Variants in PRRG1 observed in about 807,000 individuals in gnomAD.
PRRG1 encodes the protein transmembrane gamma-carboxyglutamic acid protein 1.
A neutral mutation model predicts 11.8 loss-of-function variants in PRRG1; 5 were observed. The ratio of observed to expected loss-of-function variants is 0.42; its 90% CI spans 0.22 to 0.89. PRRG1 has a LOEUF of 0.89. Ranked by LOEUF, PRRG1 falls within the 40% of genes least tolerant of loss-of-function variation. The pLI is 0.28. For synonymous variants in PRRG1, 66 were observed against 60.4 expected (o/e 1.09, Z -0.43); for missense variants, 155 against 166.1 (o/e 0.93, Z 0.37).
At chrX:37,349,658 G>A (rs2146911905) in intron 1 of PRRG1, among the ~76,000 whole-genome samples, 1 of 111,660 alleles carries the variant, frequency 9.0e-6, no homozygotes, top group Non-Finnish European at 1.9e-5. Flanking sequence ...CTGGAAGTCC[G>A]CACACAGACT....
chrX:37,394,870 C>A (rs1444911557), intron 1 of PRRG1, among the ~76,000 whole-genome samples: 1 of 111,141 alleles, frequency 9.0e-6, no homozygotes, highest in Admixed American at 9.5e-5. Flanking sequence ...TTAAAACATT[C>A]AGCTTACAAA....
intron 1 of PRRG1, among the ~76,000 whole-genome samples, chrX:37,386,055 G>A (rs183926950): frequency 4.5e-5 from 5 of 111,949 alleles, no homozygotes; most frequent in African/African-American, 1.3e-4. Context: ...AGCTACTGGT[G>A]CCCAGCCCAA....
intron 1 of PRRG1, among the ~76,000 whole-genome samples, chrX:37,368,320 A>G (rs1395333295): frequency 1.8e-5 from 2 of 112,420 alleles, no homozygotes; most frequent in Non-Finnish European, 3.8e-5. Flanking sequence ...TCTGCATTCA[A>G]TTCTGACAGT....
chrX:37,408,376 CAG>C (rs1317842375), intron 2 of PRRG1, among the ~76,000 whole-genome samples: 2 of 111,875 alleles, frequency 1.8e-5, no homozygotes, highest in Non-Finnish European at 3.8e-5. Flanking sequence ...GCATAGGGCT[CAG>C]GGGATTGGTT....
At chrX:37,363,743 CACTT>C (rs782554929) in intron 1 of PRRG1, among the ~76,000 whole-genome samples, 1 of 111,741 alleles carries the variant, frequency 8.9e-6, no homozygotes, top group Non-Finnish European at 1.9e-5. Flanking sequence ...AGAAGGCTGT[CACTT>C]ACTTGTTTCA....
intron 1 of PRRG1, among the ~76,000 whole-genome samples, chrX:37,364,994 A>G (rs1270723364): frequency 8.9e-6 from 1 of 112,099 alleles, no homozygotes; most frequent in Non-Finnish European, 1.9e-5. Context: ...GAGGCATTGC[A>G]TTCTTTTTAT....
intron 1 of PRRG1, among the ~76,000 whole-genome samples, chrX:37,385,874 C>T (rs1239549170): frequency 1.8e-5 from 2 of 111,114 alleles, no homozygotes; most frequent in African/African-American, 3.3e-5. Flanking sequence ...GATACTCCTG[C>T]TTCAGCCTCC....
At position 37,454,670 on chromosome X, in the gene PRRG1, T is replaced by C. The variant is rs782110734; in HGVS notation, c.*1049T>C. ...GGTAATTTTCCATTGAATTATCAAC[T>C]GTGATTTTTATATTGCCCTCCAAGT... is the stretch of plus-strand genomic sequence containing the variant. On this transcript the variant is annotated 3_prime_UTR_variant, in exon 4 of 4. Transcript: ENST00000378628. The C allele has an allele frequency of 8.9e-6, 1 of 112,212 alleles. No individual in the cohort carries two copies. Among genetic ancestry groups the C allele is most frequent in the South Asian group, 3.7e-4 (1 of 2,699 alleles). 9.2% of individuals were successfully genotyped at this position (112,212 alleles called of 1,213,427 possible).
intron 1 of PRRG1, among the ~76,000 whole-genome samples, chrX:37,398,263 G>A (rs1931795481): frequency 9.0e-6 from 1 of 110,724 alleles, no homozygotes; most frequent in Non-Finnish European, 1.9e-5. Flanking sequence ...CACACGGCCG[G>A]GTACTCCTCT....
intron 3 of PRRG1, among the ~76,000 whole-genome samples, chrX:37,437,745 A>G (rs1932901296): frequency 9.0e-6 from 1 of 111,534 alleles, no homozygotes; most frequent in Non-Finnish European, 1.9e-5. Context: ...CATGTCTCCC[A>G]TAGCATGCTG....
intron 1 of PRRG1, among the ~76,000 whole-genome samples, chrX:37,405,772 T>C (rs1175945816): frequency 9.0e-6 from 1 of 111,642 alleles, no homozygotes; most frequent in Non-Finnish European, 1.9e-5. Flanking sequence ...TGTTACACTT[T>C]AAAGGGTATT....
Position 37,454,153 on chromosome X carries a change from C to T in PRRG1, c.*532C>T, listed in dbSNP as rs1466782231. 5.3e-5 allele frequency: 6 copies of T among 112,207 alleles called. No individual in the cohort carries two copies. The highest frequency in any genetic ancestry group is 2.8e-4 in the Admixed American group (3 of 10,580). The allele number at this position is 112,207 out of a possible 1,213,427, so 9.2% of individuals were successfully genotyped here. A position where few individuals can be genotyped will look rare whatever the true frequency, so the allele number is the denominator to read the frequency against. On this transcript the variant is annotated 3_prime_UTR_variant, in exon 4 of 4. Coordinates refer to ENST00000378628, the MANE Select transcript of PRRG1 (RefSeq NM_001142395.2). ...ATCTACCTTAAAAAGAAAAAAATTA[C>T]ACATAGTCATTCTTGATGTTATAAA... is the stretch of plus-strand genomic sequence containing the variant.
intron 3 of PRRG1, among the ~76,000 whole-genome samples, chrX:37,434,116 A>C: frequency 8.9e-6 from 1 of 112,486 alleles, no homozygotes; most frequent in East Asian, 2.8e-4. Context: ...GTTTACTAAA[A>C]TTTATCGCTC....
intron 2 of PRRG1, among the ~76,000 whole-genome samples, chrX:37,406,577 C>CA (rs1278888807): frequency 2.7e-5 from 3 of 109,650 alleles, no homozygotes; most frequent in African/African-American, 9.9e-5. Flanking sequence ...TCCCCAAACC[C>CA]AGCTTCTTTA....
At position 37,453,464 on chromosome X, in the gene PRRG1, A is replaced by T; in HGVS notation, c.500A>T (p.Asp167Val). 8.3e-7 allele frequency: 1 copy of T among 1,209,384 alleles called. No homozygotes were observed. Among genetic ancestry groups the T allele is most frequent in the Non-Finnish European group, 1.1e-6 (1 of 894,981 alleles). Residue 167 changes from aspartate (D) to valine (V), a missense_variant, in exon 4 of 4, where the codon GAT (aspartate) becomes GTT (valine). Physicochemically the swap from Asp to Val is radical, Grantham distance 152 (BLOSUM62 -3). Transcript: ENST00000378628. Reference sequence around the variant, plus strand: ...GTCTCTACTCGCCTGTCCAATTGTGATCCCCCGCCAACCTATGAGGAAGCC... The same window carrying T: ...GTCTCTACTCGCCTGTCCAATTGTGTTCCCCCGCCAACCTATGAGGAAGCC... Reference protein sequence around the residue: ...DSVSTRLSNCDPPPTYEEATG... With the variant: ...DSVSTRLSNCVPPPTYEEATG...
At chrX:37,402,886 C>T (rs1350896156) in intron 1 of PRRG1, among the ~76,000 whole-genome samples, 8 of 111,868 alleles carry the variant, frequency 7.2e-5, no homozygotes, top group Admixed American at 6.6e-4. Flanking sequence ...AAAATGCTCA[C>T]CATCACTGGC....
chrX:37,418,245 G>A (rs933882882), intron 2 of PRRG1, among the ~76,000 whole-genome samples: 32 of 112,005 alleles, frequency 2.9e-4, no homozygotes, highest in African/African-American at 1.0e-3. Context: ...ATGCAGGGTT[G>A]GTGAAAATGG....
Position 37,456,798 on chromosome X carries a change from T to G in PRRG1, c.*3177T>G, listed in dbSNP as rs1211970979. 1 of 112,177 alleles carries G rather than the reference T, an allele frequency of 8.9e-6. No homozygotes were observed. Among genetic ancestry groups the G allele is most frequent in the Non-Finnish European group, 1.9e-5 (1 of 53,229 alleles). 9.2% of individuals were successfully genotyped at this position (112,177 alleles called of 1,213,427 possible). On this transcript the variant is annotated 3_prime_UTR_variant, in exon 4 of 4. Transcript: ENST00000378628. The stretch of plus-strand genomic sequence containing the variant: ...CCTTTGATTGTTTTTTAAAAGTTTA[T>G]TTTTACAGAATATATTTAGTACCTT...
intron 3 of PRRG1, among the ~76,000 whole-genome samples, chrX:37,443,311 C>T (rs1248835479): frequency 1.8e-5 from 2 of 111,253 alleles, no homozygotes; most frequent in South Asian, 3.9e-4. Context: ...AGTGGGGACA[C>T]CTAGGGTAGA....
Sources: gnomAD v4.1 joint callset for allele counts (sites outside exome capture counted in the v4.1 genomes callset) on GRCh38, gnomAD v4.1.1 for gene constraint, MANE v1.5 for transcripts, NCBI Gene and HGNC (gene_info 2026-07-23, HGNC 2026-07-21) for gene names.